The following DCAF17 variants were observed in gnomAD, a reference collection of about 807,000 sequenced individuals.
The protein encoded by DCAF17 is DDB1- and CUL4-associated factor 17.
In DCAF17, 48 loss-of-function variants were observed where a neutral mutation model predicts 66.0. The observed-to-expected ratio is 0.73, with a 90% confidence interval of 0.58 to 0.92. DCAF17 has a LOEUF of 0.92. Among genes scored for constraint, DCAF17 ranks in the 40% least tolerant of loss-of-function variants. DCAF17 has a pLI of 0.00. For missense variants in DCAF17, 562 were observed against 622.8 expected, an observed-to-expected ratio of 0.90 and a Z score of 1.04; for synonymous variants, 206 against 214.6, an observed-to-expected ratio of 0.96 and a Z score of 0.35.
intron 3 of DCAF17, among the ~76,000 whole-genome samples, chr2:171,446,576 A>G (rs1230764979): frequency 6.6e-6 from 1 of 152,082 alleles, no homozygotes; most frequent in Non-Finnish European, 1.5e-5. Flanking sequence ...AGGAGAGTCA[A>G]CTAAGAAAAA....
chr2:171,480,849 C>T (rs1206655580), intron 13 of DCAF17, 125 bp from the exon 14 acceptor site: 2 of 1,210,962 alleles, frequency 1.7e-6, no homozygotes, highest in Non-Finnish European at 2.4e-6. Context: ...AAACCTCTTT[C>T]TAGCAACTAT....
At chr2:171,459,349 C>A (rs187696536) in intron 8 of DCAF17, among the ~76,000 whole-genome samples, 61 of 152,210 alleles carry the variant, frequency 4.0e-4, no homozygotes, top group Admixed American at 3.8e-3. Flanking sequence ...TACTCAAATT[C>A]AGTAGTAGTA....
chr2:171,443,246 G>A (rs558214306), intron 2 of DCAF17: 8 of 238,322 alleles, frequency 3.4e-5, no homozygotes, highest in South Asian at 3.0e-4. Flanking sequence ...GGAAAACAAC[G>A]TCCAGGTACG....
At position 171,453,669 on chromosome 2, in the gene DCAF17, T is replaced by G; in HGVS notation, c.627+456T>G. On this transcript the variant is annotated intron_variant, in intron 6 of 13. Transcript: ENST00000375255. ...ATTCATTCAGTTTTGGGTTTTATTGTTGTTCCCATTTGTTCTTGACTTGTG... is the reference window on the plus strand; with the variant it reads ...ATTCATTCAGTTTTGGGTTTTATTGGTGTTCCCATTTGTTCTTGACTTGTG... Among the ~76,000 whole-genome samples the G allele has an allele frequency of 1.3e-5, 2 of 152,178 alleles. 1 individual carries two copies. The highest frequency in any genetic ancestry group is 2.9e-5 in the Non-Finnish European group (2 of 68,026).
chr2:171,434,731 G>A (rs1176266705), intron 1 of DCAF17, 28 bp downstream of exon 1: 2 of 1,405,168 alleles, frequency 1.4e-6, no homozygotes, highest in South Asian at 1.6e-5. Context: ...GGGGCGGGAC[G>A]GAGGGCCGCG....
At chr2:171,454,333 G>A (rs1299868272) in intron 6 of DCAF17, among the ~76,000 whole-genome samples, 1 of 149,358 alleles carries the variant, frequency 6.7e-6, no homozygotes, top group African/African-American at 2.5e-5. Flanking sequence ...CACCCAGGCT[G>A]CAGTGCAGTG....
chr2:171,475,005 C>T (rs1367437343), intron 10 of DCAF17, among the ~76,000 whole-genome samples: 1 of 152,224 alleles, frequency 6.6e-6, no homozygotes, highest in Non-Finnish European at 1.5e-5. Context: ...CAAGTGAATT[C>T]AAATGCTTTA....
At position 171,448,836 on chromosome 2, in the gene DCAF17, T is replaced by C. The variant is rs769993723; in HGVS notation, c.458+19T>C. 1.1e-5 allele frequency: 17 copies of C among 1,601,508 alleles called. No homozygotes were observed. The highest frequency in any genetic ancestry group is 1.7e-5 in the Admixed American group (1 of 59,828). ...AATTCAGGTATTTACTGTGAATTTA[T>C]TATTCAAGATTTTATTTTAAAAATT... On this transcript the variant is annotated intron_variant, in intron 4 of 13. Transcript: ENST00000375255.
In DCAF17 at chr2:171,458,414, G is replaced by T. The variant is rs547306608; in HGVS notation, c.775G>T (p.Gly259Cys). 1.9e-6 allele frequency: 3 copies of T among 1,613,928 alleles called. No individual in the cohort carries two copies. Among genetic ancestry groups the T allele is most frequent in the South Asian group, 1.1e-5 (1 of 91,066 alleles). ...KLDLGCACRW[G>C]GTTGTVGEAP... ...TGACTTAGGGTGTGCATGCAGATGG[G>T]GTGGGACTACTGGAACTGTAGGAGA... The change falls in exon 8 of 14, where the codon GGT (glycine) becomes TGT (cysteine). Residue 259 changes from glycine to cysteine, a missense_variant. Physicochemically the swap from Gly to Cys is radical, Grantham distance 159. Transcript: ENST00000375255.
At chr2:171,438,190 T>C (rs1223038501) in intron 2 of DCAF17, among the ~76,000 whole-genome samples, 1 of 152,284 alleles carries the variant, frequency 6.6e-6, no homozygotes, top group Non-Finnish European at 1.5e-5. Flanking sequence ...TTTATTGATT[T>C]GTGGTTTAAT....
In DCAF17 at chr2:171,458,451, G is replaced by T. The variant is rs1439042141; in HGVS notation, c.812G>T (p.Gly271Val). The T allele has an allele frequency of 6.2e-7, 1 of 1,613,652 alleles. No individual in the cohort carries two copies. The highest frequency in any genetic ancestry group is 1.1e-5 in the South Asian group (1 of 91,068). ...TTGTVGEAPF[G>V]IPCNIKITDM... ...GGAACTGTAGGAGAGGCTCCTTTTG[G>T]CATTCCTTGTAATATTAAAATCACA... Residue 271 changes from glycine to valine, a missense_variant, in exon 8 of 14, where the codon GGC becomes GTC. Coordinates refer to ENST00000375255, the MANE Select transcript of DCAF17 (RefSeq NM_025000.4).
In DCAF17 at chr2:171,476,943, A is replaced by G. The variant is rs918753089; in HGVS notation, c.1175A>G (p.Asn392Ser). The G allele has an allele frequency of 1.9e-6, 3 of 1,610,776 alleles. No homozygotes were observed. Among genetic ancestry groups the G allele is most frequent in the Middle Eastern group, 1.7e-4 (1 of 5,948 alleles). ...EDFVILANRENHKNENVLTVT... is the reference protein window; with the variant it reads ...EDFVILANRESHKNENVLTVT... The stretch of plus-strand genomic sequence containing the variant: ...TTTGTCATTTTGGCCAACAGGGAGA[A>G]CCATAAAGTAAGTCAAGAGTACTTT... Residue 392 changes from asparagine (N) to serine (S), a missense_variant, in exon 11 of 14, where the codon AAC (asparagine) becomes AGC (serine). By Grantham distance (46) the Asn-to-Ser change is conservative. Transcript: ENST00000375255.
chr2:171,478,074 T>G lies in DCAF17; in HGVS notation c.1266+4T>G. On this transcript the variant is annotated splice_donor_region_variant and intron_variant, in intron 12 of 13. Transcript: ENST00000375255. Reference sequence around the variant, plus strand: ...GGATGATGACCCAGAACAAGAGGTATTGCTTTGGCCAGAGATGACAAACCA... The same window carrying G: ...GGATGATGACCCAGAACAAGAGGTAGTGCTTTGGCCAGAGATGACAAACCA... 6.2e-7 allele frequency: 1 copy of G among 1,612,794 alleles called. No individual in the cohort carries two copies. Among genetic ancestry groups the G allele is most frequent in the African/African-American group, 1.3e-5 (1 of 75,010 alleles).
At chr2:171,461,100 T>G (rs916307457) in intron 8 of DCAF17, among the ~76,000 whole-genome samples, 3 of 152,210 alleles carry the variant, frequency 2.0e-5, no homozygotes, top group Non-Finnish European at 4.4e-5. Flanking sequence ...ATTTTAACTT[T>G]AAATAACTTT....
chr2:171,434,369 T>A lies in DCAF17; in HGVS notation c.-209T>A. On this transcript the variant is annotated 5_prime_UTR_variant, in exon 1 of 14. Transcript: ENST00000375255. The stretch of plus-strand genomic sequence containing the variant: ...ATCGAAAAGGGAGTGCTTCTTCCCT[T>A]CTCTCCGCGCTCTGGCGGTGCAAGC... The A allele has an allele frequency of 1.2e-6, 1 of 844,652 alleles. No homozygotes were observed. The highest frequency in any genetic ancestry group is 1.9e-6 in the Non-Finnish European group (1 of 523,356). The allele number at this position is 844,652 out of a possible 1,614,324, so 52.3% of individuals were successfully genotyped here.
chr2:171,480,267 TG>T, intron 13 of DCAF17, 74 bp downstream of exon 13: 2 of 1,558,128 alleles, frequency 1.3e-6, no homozygotes, highest in South Asian at 1.1e-5. Flanking sequence ...CAGATGTTAT[TG>T]TGTTCATGTC....
intron 2 of DCAF17, among the ~76,000 whole-genome samples, chr2:171,437,350 T>G (rs62183470): frequency 0.23 from 35,711 of 152,122 alleles, 4,395 homozygotes; most frequent in Admixed American, 0.3. Context: ...AGACTTTTCT[T>G]TCTTCATTGC....
At chr2:171,434,753 G>T in intron 1 of DCAF17, 50 bp downstream of exon 1, 2 of 1,390,454 alleles carry the variant, frequency 1.4e-6, no homozygotes, top group Non-Finnish European at 1.8e-6. Context: ...GCGCGCGGCG[G>T]CCGAGCCTCC....
At chr2:171,453,317 C>A in intron 6 of DCAF17, 104 bp downstream of exon 6, 1 of 857,646 alleles carries the variant, frequency 1.2e-6, no homozygotes, top group Non-Finnish European at 1.8e-6. Context: ...GCTCCCCTCA[C>A]TATAAAAAGT....
Sources: allele counts gnomAD v4.1 joint callset (sites outside exome capture counted in the v4.1 genomes callset), GRCh38; gene constraint gnomAD v4.1.1; transcripts MANE v1.5; gene names NCBI Gene and HGNC (gene_info 2026-07-23, HGNC 2026-07-21).